ERP27: variants seen among roughly 807,000 people sequenced by gnomAD.
ERP27 encodes the protein endoplasmic reticulum protein 27, also known as endoplasmic reticulum resident protein 27.
A neutral mutation model predicts 27.7 loss-of-function variants in ERP27; 23 were observed. The ratio of observed to expected loss-of-function variants is 0.83; its 90% CI spans 0.60 to 1.18. The LOEUF is 1.18. Ranked by LOEUF, ERP27 falls within the 50% of genes most tolerant of loss-of-function variation. ERP27 has a pLI of 0.00. For synonymous variants in ERP27, 159 were observed against 118.3 expected (o/e 1.34, Z -2.23); for missense variants, 363 against 327.9 (o/e 1.11, Z -0.83).
rs768871057 is a variant in ERP27 at position 14,934,904 on chromosome 12, A to C, written c.285T>G (p.Val95=). The C allele has an allele frequency of 9.0e-5, 145 of 1,614,192 alleles. No individual in the cohort carries two copies. In the African/African-American group the frequency reaches 1.8e-3, roughly 20 times the overall value. The stretch of plus-strand genomic sequence containing the variant: ...TCCCAGTGATGTTGTAGTGTGTCAG[A>C]ACCTCAGAATCAGTGCTGATCCCAA... ...VSFGISTDSE[V]LTHYNITGNT... The change falls in exon 3 of 7, where the codon GTT becomes GTG. Residue 95 remains valine (V), a synonymous_variant. Transcript: ENST00000266397.
At chr12:14,915,881 G>A in intron 5 of ERP27, 195 bp from the exon 6 acceptor site, 1 of 584,666 alleles carries the variant, frequency 1.7e-6, no homozygotes, top group Non-Finnish European at 3.0e-6. Flanking sequence ...ACGTGGATGG[G>A]GCTGGAGGCT....
intron 2 of ERP27, among the ~76,000 whole-genome samples, chr12:14,936,607 C>T (rs1863777366): frequency 6.6e-6 from 1 of 152,142 alleles, no homozygotes; most frequent in Admixed American, 6.5e-5. Flanking sequence ...TCCCCATAAT[C>T]CCCACATGTC....
chr12:14,925,131 A>G (rs1001909601), intron 3 of ERP27, among the ~76,000 whole-genome samples: 1 of 152,180 alleles, frequency 6.6e-6, no homozygotes, highest in Non-Finnish European at 1.5e-5. Context: ...TACTTTCTTA[A>G]TAAACTTGCT....
chr12:14,915,522 GTT>G lies in ERP27; in HGVS notation c.739_740del (p.Asn247LeufsTer3), dbSNP rs1863394635. Reference protein sequence around the residue: ...TAEVSVEHVQNFCDGFLSGKL... With the variant: ...TAEVSVEHVQXFCDGFLSGKL... ...TTCCACTTAGGAATCCATCACAAAA[GTT>G]TTGCACATGCTCTACGGAAACTTCT... On this transcript the variant is annotated frameshift_variant, in exon 6 of 7. Coordinates refer to ENST00000266397, the MANE Select transcript of ERP27 (RefSeq NM_152321.4). LOFTEE classifies it high-confidence loss of function. 2 of 1,614,070 alleles carry G rather than the reference GTT, an allele frequency of 1.2e-6. No individual in the cohort carries two copies. The highest frequency in any genetic ancestry group is 1.7e-6 in the Non-Finnish European group (2 of 1,180,022).
intron 2 of ERP27, 78 bp downstream of exon 2, chr12:14,937,874 C>G: frequency 8.2e-7 from 1 of 1,212,358 alleles, no homozygotes; most frequent in Non-Finnish European, 1.2e-6. Flanking sequence ...TGCCATCTGC[C>G]AGCAGCAGGT....
Position 14,915,896 on chromosome 12 carries a change from T to C in ERP27, c.577-210A>G, listed in dbSNP as rs1055501415. ...ACGTGGATGGGGCTGGAGGCTATTA[T>C]CCTTAGCAAACTAACACAGGAAGAG... On this transcript the variant is annotated intron_variant, in intron 5 of 6. Coordinates refer to ENST00000266397, the MANE Select transcript of ERP27 (RefSeq NM_152321.4). 7.5e-6 allele frequency: 4 copies of C among 530,374 alleles called. No homozygotes were observed. In the African/African-American group the frequency reaches 7.6e-5, roughly 10 times the overall value. The allele number at this position is 530,374 out of a possible 1,614,324, so 32.9% of individuals were successfully genotyped here.
At chr12:14,930,215 T>C (rs1398723967) in intron 3 of ERP27, among the ~76,000 whole-genome samples, 1 of 152,184 alleles carries the variant, frequency 6.6e-6, no homozygotes, top group Non-Finnish European at 1.5e-5. Flanking sequence ...ATAAAAAATG[T>C]TTTATAATCT....
At chr12:14,919,629 G>C (rs1323892173) in intron 4 of ERP27, among the ~76,000 whole-genome samples, 1 of 152,164 alleles carries the variant, frequency 6.6e-6, no homozygotes, top group Non-Finnish European at 1.5e-5. Flanking sequence ...TCCTGTTGAA[G>C]GCAGTGTAGG....
At chr12:14,924,995 G>T (rs1321935129) in intron 3 of ERP27, among the ~76,000 whole-genome samples, 1 of 152,120 alleles carries the variant, frequency 6.6e-6, no homozygotes, top group Non-Finnish European at 1.5e-5. Context: ...ACCCTATATG[G>T]TCTGAAAAGG....
At chr12:14,929,205 G>A in intron 3 of ERP27, 2 of 1,235,462 alleles carry the variant, frequency 1.6e-6, no homozygotes, top group Non-Finnish European at 1.0e-6. Context: ...AACAAGAAAA[G>A]CCAGTTACTC....
intron 3 of ERP27, among the ~76,000 whole-genome samples, chr12:14,931,566 C>T (rs1462542712): frequency 1.3e-5 from 2 of 152,086 alleles, no homozygotes; most frequent in Admixed American, 1.3e-4. Context: ...AATAATCTTG[C>T]CCACAGAGGT....
chr12:14,933,603 A>G (rs1863730107), intron 3 of ERP27, among the ~76,000 whole-genome samples: 1 of 152,220 alleles, frequency 6.6e-6, no homozygotes, highest in African/African-American at 2.4e-5. Context: ...TAGAAGGGGC[A>G]CGACATTCAG....
At chr12:14,930,173 A>G (rs1863677822) in intron 3 of ERP27, among the ~76,000 whole-genome samples, 2 of 152,196 alleles carry the variant, frequency 1.3e-5, no homozygotes, top group Non-Finnish European at 2.9e-5. Context: ...CTGGAACTTA[A>G]AGTAAAATGA....
intron 5 of ERP27, 63 bp downstream of exon 5, chr12:14,917,115 A>G: frequency 1.3e-6 from 2 of 1,594,754 alleles, no homozygotes; most frequent in Non-Finnish European, 8.6e-7. Flanking sequence ...TCCTAGCCCC[A>G]TCTCCCTTTT....
chr12:14,929,089 A>G (rs1488903662), intron 3 of ERP27: 2 of 1,521,462 alleles, frequency 1.3e-6, no homozygotes, highest in East Asian at 4.9e-5. Context: ...AGGAATTCCT[A>G]GGTCTGGTGC....
Position 14,915,636 on chromosome 12 carries a change from T to A in ERP27, c.627A>T (p.Ile209=). 2 of 1,614,204 alleles carry A rather than the reference T, an allele frequency of 1.2e-6. No individual in the cohort carries two copies. The highest frequency in any genetic ancestry group is 1.7e-6 in the Non-Finnish European group (2 of 1,180,020). Residue 209 remains isoleucine, a synonymous_variant, in exon 6 of 7, where the codon ATA becomes ATT. Transcript: ENST00000266397. The stretch of plus-strand genomic sequence containing the variant: ...GAGACTCCTTTAGTTTGAAAAATGA[T>A]ATCACCTTCCCATTTTCTTTCATAC... The part of the protein sequence containing the change: ...DSGMKENGKV[I]SFFKLKESQL...
Position 14,914,537 on chromosome 12 carries a change from T to A in ERP27, c.*198A>T. On this transcript the variant is annotated 3_prime_UTR_variant, in exon 7 of 7. Coordinates refer to ENST00000266397, the MANE Select transcript of ERP27 (RefSeq NM_152321.4). ...AAGAAGGAAGAAGAGAAAACGAGAT[T>A]TTAAGACAGGAAATGAAGCTCTGTG... is the stretch of plus-strand genomic sequence containing the variant. 1.9e-6 allele frequency: 1 copy of A among 523,252 alleles called. No individual in the cohort carries two copies. Among genetic ancestry groups the A allele is most frequent in the Non-Finnish European group, 3.4e-6 (1 of 297,410 alleles). 32.4% of individuals were successfully genotyped at this position (523,252 alleles called of 1,614,324 possible). A position where few individuals can be genotyped will look rare whatever the true frequency, so the allele number is the denominator to read the frequency against.
rs1863749665 is a variant in ERP27 at position 14,934,767 on chromosome 12, G to A, written c.333+89C>T. 2.0e-6 allele frequency: 3 copies of A among 1,506,570 alleles called. No individual in the cohort carries two copies. In the South Asian group the frequency reaches 3.6e-5, roughly 18 times the overall value. 93.3% of individuals were successfully genotyped at this position (1,506,570 alleles called of 1,614,324 possible). A position where few individuals can be genotyped will look rare whatever the true frequency, so the allele number is the denominator to read the frequency against. On this transcript the variant is annotated intron_variant, in intron 3 of 6. Transcript: ENST00000266397. ...ATTTGGTACCATCATTAGTGTAAAA[G>A]ACATAGAGTCCTTTCCAGTCTCACA...
intron 3 of ERP27, among the ~76,000 whole-genome samples, chr12:14,922,129 T>C (rs540641009): frequency 1.3e-5 from 2 of 152,232 alleles, no homozygotes; most frequent in Non-Finnish European, 2.9e-5. Flanking sequence ...TTAGTACATA[T>C]ATGCCTCTGT....
Sources: gnomAD v4.1 joint callset for allele counts (sites outside exome capture counted in the v4.1 genomes callset) on GRCh38, gnomAD v4.1.1 for gene constraint, MANE v1.5 for transcripts, NCBI Gene and HGNC (gene_info 2026-07-23, HGNC 2026-07-21) for gene names.